Variants in ARHGAP10 observed in about 807,000 individuals in gnomAD.
The protein encoded by ARHGAP10 is rho GTPase-activating protein 10.
In ARHGAP10, 87 loss-of-function variants were observed where a neutral mutation model predicts 108.6. That is an observed-to-expected ratio of 0.80 (90% CI 0.67 to 0.96). The LOEUF is 0.96. ARHGAP10 is among the 40% of genes least tolerant of loss of function. The pLI is 0.00. For synonymous variants in ARHGAP10, 347 were observed against 341.1 expected (o/e 1.02, Z -0.19); for missense variants, 939 against 954.5 (o/e 0.98, Z 0.21).
intron 3 of ARHGAP10, among the ~76,000 whole-genome samples, chr4:147,835,705 C>T (rs556407903): frequency 6.6e-6 from 1 of 152,258 alleles, no homozygotes; most frequent in African/African-American, 2.4e-5. Context: ...CAGTTTATTG[C>T]CTTAGTATGC....
chr4:147,913,261 C>A, intron 13 of ARHGAP10, 122 bp downstream of exon 13: 1 of 825,458 alleles, frequency 1.2e-6, no homozygotes, highest in Non-Finnish European at 2.0e-6. Context: ...AATGCTCATT[C>A]TGAGTATCAG....
At chr4:147,755,161 T>C (rs1729316569) in intron 1 of ARHGAP10, among the ~76,000 whole-genome samples, 1 of 152,096 alleles carries the variant, frequency 6.6e-6, no homozygotes. Context: ...AGCAAACTTA[T>C]TATTTAAGTA....
At chr4:147,870,289 C>T (rs774730467) in intron 7 of ARHGAP10, among the ~76,000 whole-genome samples, 1 of 152,124 alleles carries the variant, frequency 6.6e-6, no homozygotes, top group Non-Finnish European at 1.5e-5. Flanking sequence ...TCTTGATCTC[C>T]TGACCTCGTG....
chr4:147,827,635 T>G (rs562121368), intron 3 of ARHGAP10, among the ~76,000 whole-genome samples: 24 of 152,204 alleles, frequency 1.6e-4, no homozygotes, highest in Non-Finnish European at 2.1e-4. Flanking sequence ...CAGTACATTC[T>G]GAGAACTTTG....
intron 15 of ARHGAP10, among the ~76,000 whole-genome samples, chr4:147,949,742 A>T (rs574528292): frequency 6.6e-6 from 1 of 152,340 alleles, no homozygotes; most frequent in East Asian, 1.9e-4. Context: ...ACTGTTTAGT[A>T]GACTCATAGC....
chr4:147,975,604 A>G (rs1362153052), intron 18 of ARHGAP10, among the ~76,000 whole-genome samples: 1 of 152,210 alleles, frequency 6.6e-6, no homozygotes, highest in African/African-American at 2.4e-5. Flanking sequence ...TGACAGACAG[A>G]GTGCATGTGC....
At chr4:148,021,016 A>G (rs570237130) in intron 18 of ARHGAP10, among the ~76,000 whole-genome samples, 1 of 152,242 alleles carries the variant, frequency 6.6e-6, no homozygotes, top group South Asian at 2.1e-4. Flanking sequence ...TGGCTACACA[A>G]AAGAATCACC....
intron 1 of ARHGAP10, among the ~76,000 whole-genome samples, chr4:147,746,726 T>C (rs1412535982): frequency 6.6e-6 from 1 of 152,168 alleles, no homozygotes; most frequent in Non-Finnish European, 1.5e-5. Flanking sequence ...ATTCATATTC[T>C]AGGTGAAGAA....
At chr4:147,819,241 A>G (rs1191015199) in intron 1 of ARHGAP10, among the ~76,000 whole-genome samples, 2 of 152,244 alleles carry the variant, frequency 1.3e-5, no homozygotes, top group Non-Finnish European at 2.9e-5. Flanking sequence ...GTGATTTTGG[A>G]TAAAATAATG....
chr4:147,887,040 A>C (rs1407471506), intron 10 of ARHGAP10, among the ~76,000 whole-genome samples: 1 of 152,118 alleles, frequency 6.6e-6, no homozygotes, highest in Non-Finnish European at 1.5e-5. Flanking sequence ...TACAGGCGCG[A>C]GTCACCCTGC....
At chr4:147,739,806 G>A (rs557447802) in intron 1 of ARHGAP10, among the ~76,000 whole-genome samples, 4 of 151,340 alleles carry the variant, frequency 2.6e-5, no homozygotes, top group Non-Finnish European at 5.9e-5. Context: ...CATGATCTTG[G>A]TTCACTGCAA....
chr4:147,820,646 A>C (rs894717263), intron 1 of ARHGAP10, among the ~76,000 whole-genome samples: 4 of 120,022 alleles, frequency 3.3e-5, no homozygotes, highest in Admixed American at 1.1e-4. Context: ...GCTGGAGTTC[A>C]GTGGCATGAT....
chr4:147,766,831 TA>T (rs1560747024), intron 1 of ARHGAP10, among the ~76,000 whole-genome samples: 80 of 111,656 alleles, frequency 7.2e-4, no homozygotes, highest in African/African-American at 2.7e-3. Context: ...TATATATATA[TA>T]TATATATTTA....
intron 18 of ARHGAP10, among the ~76,000 whole-genome samples, chr4:147,977,203 T>C (rs1206944917): frequency 1.3e-5 from 2 of 152,180 alleles, no homozygotes; most frequent in Admixed American, 6.5e-5. Context: ...CTATTCTTCA[T>C]TGCATTTTTA....
intron 10 of ARHGAP10, among the ~76,000 whole-genome samples, chr4:147,894,701 A>G (rs547100068): frequency 1.3e-5 from 2 of 152,262 alleles, no homozygotes; most frequent in Admixed American, 6.5e-5. Context: ...TGGGGTATAT[A>G]TGGTGTGAGA....
chr4:147,820,485 T>C (rs940704095), intron 1 of ARHGAP10, among the ~76,000 whole-genome samples: 4 of 151,042 alleles, frequency 2.6e-5, no homozygotes, highest in African/African-American at 9.8e-5. Context: ...GGGTTTTCAC[T>C]ATGTTGGCCA....
At chr4:147,861,048 C>T (rs1181847792) in intron 5 of ARHGAP10, 1 of 152,240 alleles carries the variant, frequency 6.6e-6, no homozygotes, top group Non-Finnish European at 1.5e-5. Context: ...TTGCTCTGGC[C>T]CGCTGGGCTT....
intron 18 of ARHGAP10, among the ~76,000 whole-genome samples, chr4:148,009,171 G>A (rs1046440183): frequency 4.0e-5 from 6 of 148,464 alleles, no homozygotes; most frequent in African/African-American, 7.5e-5. Flanking sequence ...TTGCTTTGTC[G>A]CTCAGCTGGA....
chr4:147,988,317 T>C (rs1339567406), intron 18 of ARHGAP10, among the ~76,000 whole-genome samples: 1 of 152,226 alleles, frequency 6.6e-6, no homozygotes, highest in Non-Finnish European at 1.5e-5. Context: ...AAACCAGAAG[T>C]AGCTTTCCTC....
Sources: gnomAD v4.1 joint callset for allele counts (sites outside exome capture counted in the v4.1 genomes callset) on GRCh38, gnomAD v4.1.1 for gene constraint, MANE v1.5 for transcripts, NCBI Gene and HGNC (gene_info 2026-07-23, HGNC 2026-07-21) for gene names.